MOSMO: variants seen among roughly 807,000 people sequenced by gnomAD.
MOSMO encodes modulator of smoothened protein.
In MOSMO, 5 loss-of-function variants were observed where a neutral mutation model predicts 18.4. The ratio of observed to expected loss-of-function variants is 0.27; its 90% CI spans 0.14 to 0.57. The LOEUF (loss-of-function observed/expected upper bound fraction) is 0.57. Ranked by LOEUF, MOSMO falls within the 20% of genes least tolerant of loss-of-function variation. MOSMO has a pLI of 0.92. For missense variants in MOSMO, 138 were observed against 211.8 expected, an observed-to-expected ratio of 0.65 and a Z score of 2.16; for synonymous variants, 82 against 82.3, an observed-to-expected ratio of 1.00 and a Z score of 0.02.
chr16:22,079,940 C>T (rs1443170058), intron 2 of MOSMO, among the ~76,000 whole-genome samples: 8 of 152,066 alleles, frequency 5.3e-5, no homozygotes, highest in Admixed American at 3.3e-4. Context: ...TGCACCTCTA[C>T]GCCTGACTAA....
chr16:22,047,845 C>T (rs1900345401), intron 1 of MOSMO, among the ~76,000 whole-genome samples: 3 of 152,102 alleles, frequency 2.0e-5, no homozygotes, highest in South Asian at 4.1e-4. Flanking sequence ...AGGGAAAGAG[C>T]TCAGACTGAT....
At chr16:22,072,340 T>G (rs1022599705) in intron 1 of MOSMO, among the ~76,000 whole-genome samples, 7 of 152,214 alleles carry the variant, frequency 4.6e-5, no homozygotes, top group African/African-American at 1.7e-4. Context: ...GACTGTGTTA[T>G]AAATGTTGTC....
intron 1 of MOSMO, among the ~76,000 whole-genome samples, chr16:22,051,960 T>C (rs1766959627): frequency 6.6e-6 from 1 of 152,126 alleles, no homozygotes; most frequent in African/African-American, 2.4e-5. Flanking sequence ...GTTGCTGTGG[T>C]GTGACAGAAA....
downstream of MOSMO, among the ~76,000 whole-genome samples, chr16:22,089,016 A>G (rs1454858938): frequency 5.3e-5 from 8 of 151,444 alleles, no homozygotes; most frequent in Non-Finnish European, 8.8e-5. Flanking sequence ...AAAAAAAAAA[A>G]GTAAGAAAAA....
downstream of MOSMO, among the ~76,000 whole-genome samples, chr16:22,091,689 T>C (rs1901332851): frequency 2.0e-5 from 3 of 152,120 alleles, no homozygotes; most frequent in South Asian, 6.2e-4. Flanking sequence ...CCACCCAACC[T>C]CATGTTCTAA....
At chr16:22,012,374 T>A (rs1462300910) in intron 1 of MOSMO, among the ~76,000 whole-genome samples, 2 of 152,194 alleles carry the variant, frequency 1.3e-5, no homozygotes, top group East Asian at 3.8e-4. Flanking sequence ...TCCATCTCAC[T>A]GGGATATTTT....
chr16:22,055,337 A>G (rs1267253025), intron 1 of MOSMO, among the ~76,000 whole-genome samples: 1 of 152,186 alleles, frequency 6.6e-6, no homozygotes, highest in Non-Finnish European at 1.5e-5. Flanking sequence ...GGGTACTGCT[A>G]CATCCACACC....
chr16:22,057,707 A>G (rs1900563830), intron 1 of MOSMO, among the ~76,000 whole-genome samples: 1 of 152,258 alleles, frequency 6.6e-6, no homozygotes, highest in South Asian at 2.1e-4. Flanking sequence ...AAAAAAATAA[A>G]AATAAATATA....
downstream of MOSMO, among the ~76,000 whole-genome samples, chr16:22,088,298 G>A (rs868770376): frequency 6.6e-6 from 1 of 152,174 alleles, no homozygotes; most frequent in Non-Finnish European, 1.5e-5. Flanking sequence ...GAGCCACCAT[G>A]CATGCCCTGT....
intron 1 of MOSMO, among the ~76,000 whole-genome samples, chr16:22,044,097 G>A (rs1432840486): frequency 2.6e-5 from 4 of 151,862 alleles, no homozygotes; most frequent in Admixed American, 1.3e-4. Context: ...GGAACCCCCC[G>A]CCCCCATGAT....
At chr16:22,063,696 A>G (rs1182630023) in intron 1 of MOSMO, among the ~76,000 whole-genome samples, 1 of 152,190 alleles carries the variant, frequency 6.6e-6, no homozygotes, top group Non-Finnish European at 1.5e-5. Flanking sequence ...ACATTTTATA[A>G]GGAACAAAAC....
At position 22,083,108 on chromosome 16, in the gene MOSMO, C is replaced by G. The variant is rs1179502932; in HGVS notation, c.*2228C>G. The G allele has an allele frequency of 2.6e-5, 4 of 152,042 alleles. No homozygotes were observed. Among genetic ancestry groups the G allele is most frequent in the Admixed American group, 6.5e-5 (1 of 15,268 alleles). 9.4% of individuals were successfully genotyped at this position (152,042 alleles called of 1,614,324 possible). On this transcript the variant is annotated 3_prime_UTR_variant, in exon 3 of 3. Transcript: ENST00000542527. Reference sequence around the variant, plus strand: ...GGTTCAAATTAACTTATGACATGACCAAGAGCTTTTCTCTTCCAAAAGATG... The same window carrying G: ...GGTTCAAATTAACTTATGACATGACGAAGAGCTTTTCTCTTCCAAAAGATG...
In MOSMO at chr16:22,081,036, G is replaced by T; in HGVS notation, c.*156G>T. The T allele has an allele frequency of 2.9e-6, 1 of 341,424 alleles. No homozygotes were observed. Among genetic ancestry groups the T allele is most frequent in the Non-Finnish European group, 5.1e-6 (1 of 194,534 alleles). 21.1% of individuals were successfully genotyped at this position (341,424 alleles called of 1,614,324 possible). A position where few individuals can be genotyped will look rare whatever the true frequency, so the allele number is the denominator to read the frequency against. ...GCTGAGAAGGAAAAAAAAATGCTTT[G>T]GTTTGTTCTCACTATGCACTTTGGA... is the stretch of plus-strand genomic sequence containing the variant. On this transcript the variant is annotated 3_prime_UTR_variant, in exon 3 of 3. Coordinates refer to ENST00000542527, the MANE Select transcript of MOSMO (RefSeq NM_001164579.2).
At chr16:22,020,632 G>C (rs751432629) in intron 1 of MOSMO, among the ~76,000 whole-genome samples, 2 of 152,074 alleles carry the variant, frequency 1.3e-5, no homozygotes, top group African/African-American at 4.8e-5. Context: ...TAATTTGTAG[G>C]TTGTTTTGTT....
intron 1 of MOSMO, chr16:22,064,392 G>A (rs1900709785): frequency 2.2e-6 from 1 of 456,270 alleles, no homozygotes; most frequent in Non-Finnish European, 4.4e-6. Context: ...TATTCATTCA[G>A]GTGAAATAAA....
At chr16:22,090,862 C>T (rs1455265756), downstream of MOSMO, among the ~76,000 whole-genome samples, 4 of 152,172 alleles carry the variant, frequency 2.6e-5, no homozygotes, top group Non-Finnish European at 4.4e-5. Context: ...GCTTTATCCA[C>T]CTGGCAGAGA....
At chr16:22,011,205 GA>G (rs1306494974) in intron 1 of MOSMO, among the ~76,000 whole-genome samples, 4 of 152,250 alleles carry the variant, frequency 2.6e-5, no homozygotes, top group Non-Finnish European at 4.4e-5. Context: ...CTGCCCTCTT[GA>G]CCTTTTCTAG....
chr16:22,009,085 C>T (rs960057686), intron 1 of MOSMO, among the ~76,000 whole-genome samples: 4 of 152,176 alleles, frequency 2.6e-5, no homozygotes, highest in African/African-American at 9.6e-5. Flanking sequence ...CCCGCCCATC[C>T]CCTGCCCGCT....
At chr16:22,050,724 A>T (rs35480162) in intron 1 of MOSMO, among the ~76,000 whole-genome samples, 18,033 of 151,752 alleles carry the variant, frequency 0.12, 1,325 homozygotes, top group South Asian at 0.28. Flanking sequence ...CCTTAAAAAA[A>T]TTTTTTTAAG....
Sources: gnomAD v4.1 joint callset for allele counts (sites outside exome capture counted in the v4.1 genomes callset) on GRCh38, gnomAD v4.1.1 for gene constraint, MANE v1.5 for transcripts, NCBI Gene and HGNC (gene_info 2026-07-23, HGNC 2026-07-21) for gene names.